The following CTNND2 variants were observed in gnomAD, a reference collection of about 807,000 sequenced individuals.
The protein encoded by CTNND2 is catenin delta 2.
In CTNND2, 22 loss-of-function variants were observed where a neutral mutation model predicts 144.4. The observed-to-expected ratio is 0.15, with a 90% CI of 0.11 to 0.22. The LOEUF (loss-of-function observed/expected upper bound fraction) is 0.22. Among genes scored for constraint, CTNND2 ranks in the 10% least tolerant of loss-of-function variants. The pLI is 1.00. For missense variants in CTNND2, 1,353 were observed against 1,618.8 expected, an observed-to-expected ratio of 0.84 and a Z score of 2.82; for synonymous variants, 751 against 695.6, an observed-to-expected ratio of 1.08 and a Z score of -1.25.
At chr5:11,669,683 T>G (rs1184421655) in intron 2 of CTNND2, among the ~76,000 whole-genome samples, 1 of 152,026 alleles carries the variant, frequency 6.6e-6, no homozygotes, top group African/African-American at 2.4e-5. Flanking sequence ...TTTGTTGATC[T>G]TTTTAAAAAA....
intron 18 of CTNND2, among the ~76,000 whole-genome samples, chr5:10,996,672 C>T (rs948103576): frequency 1.3e-5 from 2 of 152,134 alleles, no homozygotes; most frequent in African/African-American, 4.8e-5. Context: ...GATCTTGGCT[C>T]GCTGCAAACT....
intron 2 of CTNND2, among the ~76,000 whole-genome samples, chr5:11,608,432 T>C (rs1780167578): frequency 6.6e-6 from 1 of 152,154 alleles, no homozygotes; most frequent in African/African-American, 2.4e-5. Flanking sequence ...ATTATTCCCA[T>C]TCCACCACTC....
At chr5:11,300,409 C>T (rs387624) in intron 9 of CTNND2, among the ~76,000 whole-genome samples, 61,112 of 151,822 alleles carry the variant, frequency 0.4, 12,612 homozygotes, top group African/African-American at 0.49. Context: ...ATGCCTATCA[C>T]TCAGGCCTTT....
rs185556334 is a variant in CTNND2 at position 11,877,189 on chromosome 5, T to G, written c.37+26628A>C. Among the ~76,000 whole-genome samples, 793 of 152,262 alleles carry G rather than the reference T, an allele frequency of 5.2e-3. 7 individuals are homozygous for G. Among genetic ancestry groups the G allele is most frequent in the African/African-American group, 0.018 (750 of 41,574 alleles). On this transcript the variant is annotated intron_variant, in intron 1 of 21. Transcript: ENST00000304623. Reference sequence around the variant, plus strand: ...ACTAATTAAGTCTGATATTGAAATGTATCGTTTTTAAATGTGAAATATGCA... The same window carrying G: ...ACTAATTAAGTCTGATATTGAAATGGATCGTTTTTAAATGTGAAATATGCA...
intron 2 of CTNND2, among the ~76,000 whole-genome samples, chr5:11,669,123 C>T (rs570964864): frequency 3.9e-5 from 6 of 152,238 alleles, no homozygotes; most frequent in Admixed American, 6.5e-5. Flanking sequence ...CCGACTTGAT[C>T]GTGGTGGATA....
chr5:11,087,309 A>G (rs61755699), intron 15 of CTNND2, among the ~76,000 whole-genome samples: 1,638 of 152,334 alleles, frequency 0.011, 14 homozygotes, highest in Middle Eastern at 0.017. Context: ...AAGCTTATTT[A>G]GTTAGTCTTA....
chr5:11,569,125 T>G (rs78849607), intron 2 of CTNND2, among the ~76,000 whole-genome samples: 1 of 152,264 alleles, frequency 6.6e-6, no homozygotes, highest in Admixed American at 6.5e-5. Context: ...GATGTGGTGA[T>G]GTAAATCAGG....
intron 1 of CTNND2, among the ~76,000 whole-genome samples, chr5:11,766,447 C>G (rs779832381): frequency 5.9e-5 from 9 of 152,174 alleles, no homozygotes; most frequent in African/African-American, 1.7e-4. Flanking sequence ...CTCACAAGAT[C>G]TGATGGTTTT....
chr5:11,763,874 T>G (rs1351465525), intron 1 of CTNND2, among the ~76,000 whole-genome samples: 1 of 152,080 alleles, frequency 6.6e-6, no homozygotes, highest in Non-Finnish European at 1.5e-5. Flanking sequence ...CATGAAATTT[T>G]ATGGACTCCC....
chr5:11,004,482 G>C (rs1740270214), intron 18 of CTNND2, among the ~76,000 whole-genome samples: 1 of 152,178 alleles, frequency 6.6e-6, no homozygotes. Flanking sequence ...GCTTCTGACA[G>C]GCCGGGCGCA....
At chr5:11,200,338 A>G (rs1039862631) in intron 10 of CTNND2, among the ~76,000 whole-genome samples, 3 of 152,190 alleles carry the variant, frequency 2.0e-5, no homozygotes, top group Admixed American at 2.0e-4. Context: ...AATGCAAAAT[A>G]TTTTTGCTGT....
chr5:11,861,467 T>C (rs1471941135), intron 1 of CTNND2, among the ~76,000 whole-genome samples: 2 of 152,296 alleles, frequency 1.3e-5, no homozygotes, highest in African/African-American at 4.8e-5. Flanking sequence ...TTATACTCCA[T>C]CCAATCTGTC....
At chr5:11,032,425 AAC>A in intron 16 of CTNND2, among the ~76,000 whole-genome samples, 1 of 152,368 alleles carries the variant, frequency 6.6e-6, no homozygotes, top group South Asian at 2.1e-4. Flanking sequence ...ATCTAATTTA[AAC>A]ACAGTCTATC....
intron 1 of CTNND2, among the ~76,000 whole-genome samples, chr5:11,864,011 T>A: frequency 6.6e-6 from 1 of 152,168 alleles, no homozygotes; most frequent in East Asian, 1.9e-4. Context: ...GCTCTGCTGA[T>A]TCACCACTGC....
intron 2 of CTNND2, among the ~76,000 whole-genome samples, chr5:11,721,894 A>G (rs2126719089): frequency 6.6e-6 from 1 of 152,328 alleles, no homozygotes; most frequent in South Asian, 2.1e-4. Flanking sequence ...GGAAATATGG[A>G]GCTCGTCTAT....
chr5:10,978,460 T>C (rs1187366620), intron 21 of CTNND2, among the ~76,000 whole-genome samples: 1 of 151,758 alleles, frequency 6.6e-6, no homozygotes, highest in Non-Finnish European at 1.5e-5. Context: ...CCAAGTTCAA[T>C]GGAGTGTCAT....
At chr5:11,872,060 T>C (rs1293504779) in intron 1 of CTNND2, among the ~76,000 whole-genome samples, 1 of 143,612 alleles carries the variant, frequency 7.0e-6, no homozygotes. Context: ...CATGCCCTGG[T>C]GTGTGATGTT....
chr5:11,334,735 A>ACTT (rs1753564046), intron 9 of CTNND2, among the ~76,000 whole-genome samples: 2 of 152,166 alleles, frequency 1.3e-5, no homozygotes, highest in Non-Finnish European at 2.9e-5. Flanking sequence ...GGAGGCCCTC[A>ACTT]CTTTGGGGGT....
At chr5:11,577,462 G>A (rs1255076365) in intron 2 of CTNND2, among the ~76,000 whole-genome samples, 1 of 152,216 alleles carries the variant, frequency 6.6e-6, no homozygotes, top group Non-Finnish European at 1.5e-5. Flanking sequence ...ATGGAAGGGT[G>A]TGGGGACAAG....
Sources: allele counts gnomAD v4.1 joint callset (sites outside exome capture counted in the v4.1 genomes callset), GRCh38; gene constraint gnomAD v4.1.1; transcripts MANE v1.5; gene names NCBI Gene and HGNC (gene_info 2026-07-23, HGNC 2026-07-21).